Variants in ASAP2 observed in about 807,000 individuals in gnomAD.
ASAP2 encodes ArfGAP with SH3 domain, ankyrin repeat and PH domain 2.
ASAP2 carries 45 observed loss-of-function variants against 131.4 expected under a neutral mutation model. That is an observed-to-expected ratio of 0.34 (90% CI 0.27 to 0.44). The LOEUF is 0.44. ASAP2 is among the 20% of genes least tolerant of loss of function. The probability of loss-of-function intolerance (pLI) is 1.00; values close to 1 mark genes in which losing one functional copy is unlikely to be tolerated. For missense variants in ASAP2, 1,011 were observed against 1,297.0 expected, an observed-to-expected ratio of 0.78 and a Z score of 3.39; for synonymous variants, 510 against 503.0, an observed-to-expected ratio of 1.01 and a Z score of -0.19.
chr2:9,313,051 T>C (rs912840628), intron 3 of ASAP2, among the ~76,000 whole-genome samples: 3 of 152,044 alleles, frequency 2.0e-5, no homozygotes, highest in African/African-American at 7.2e-5. Context: ...AGAGTGAAAC[T>C]GTGTCTTAAA....
At chr2:9,221,113 T>TC (rs1662384263) in intron 1 of ASAP2, among the ~76,000 whole-genome samples, 3 of 152,176 alleles carry the variant, frequency 2.0e-5, no homozygotes, top group Non-Finnish European at 2.9e-5. Flanking sequence ...TGTTTTTTTT[T>TC]CCCAAGATTG....
intron 15 of ASAP2, among the ~76,000 whole-genome samples, chr2:9,368,192 A>G (rs1673629016): frequency 6.6e-6 from 1 of 152,174 alleles, no homozygotes; most frequent in Non-Finnish European, 1.5e-5. Context: ...TCTGTACTCT[A>G]TCCAGAGCGC....
intron 17 of ASAP2, 73 bp from the exon 18 acceptor site, chr2:9,376,835 G>A (rs1674436743): frequency 1.2e-5 from 16 of 1,339,612 alleles, no homozygotes; most frequent in East Asian, 6.9e-5. Context: ...AGTTGTACAC[G>A]ATTTCACCGG....
At chr2:9,369,823 T>G (rs1181532391) in intron 16 of ASAP2, among the ~76,000 whole-genome samples, 1 of 152,092 alleles carries the variant, frequency 6.6e-6, no homozygotes, top group Non-Finnish European at 1.5e-5. Context: ...GGTGGTAGTG[T>G]ATGGACCCTT....
At chr2:9,282,383 C>T (rs534288835) in intron 2 of ASAP2, among the ~76,000 whole-genome samples, 142 of 152,352 alleles carry the variant, frequency 9.3e-4, no homozygotes, top group Non-Finnish European at 1.8e-3. Context: ...GTGATACTTT[C>T]TCCTGTCATG....
At chr2:9,287,614 G>A (rs1434759476) in intron 2 of ASAP2, among the ~76,000 whole-genome samples, 1 of 152,202 alleles carries the variant, frequency 6.6e-6, no homozygotes, top group Non-Finnish European at 1.5e-5. Context: ...ATGAGGGAGA[G>A]GATAACTGGG....
intron 1 of ASAP2, among the ~76,000 whole-genome samples, chr2:9,251,507 G>T (rs546080623): frequency 6.6e-6 from 1 of 152,228 alleles, no homozygotes; most frequent in Admixed American, 6.5e-5. Flanking sequence ...CCGTCGGGTG[G>T]GTTTTGTATG....
At chr2:9,243,807 C>G (rs1448409508) in intron 1 of ASAP2, among the ~76,000 whole-genome samples, 2 of 152,096 alleles carry the variant, frequency 1.3e-5, no homozygotes, top group Admixed American at 6.5e-5. Flanking sequence ...TAAATATGGG[C>G]CTTCCAGGAC....
rs191516343 is a variant in ASAP2, at chr2:9,259,915, C to T, written c.127-19402C>T. 2.8e-3 allele frequency among the ~76,000 whole-genome samples: 426 copies of T among 152,314 alleles called. 1 individual carries two copies. Among genetic ancestry groups the T allele is most frequent in the Admixed American group, 5.0e-3 (76 of 15,300 alleles). ...GCATAGTCCTTGGGCTAAGTGGAGC[C>T]GAGTATGGAACCCAGGTCTAAAATT... On this transcript the variant is annotated intron_variant, in intron 1 of 27. Coordinates refer to ENST00000281419, the MANE Select transcript of ASAP2 (RefSeq NM_003887.3).
intron 25 of ASAP2, 98 bp downstream of exon 25, chr2:9,400,170 C>CA: frequency 7.2e-7 from 1 of 1,381,534 alleles, no homozygotes; most frequent in South Asian, 1.2e-5. Flanking sequence ...AGGGAGGGCC[C>CA]AGCTGTCTGC....
intron 7 of ASAP2, among the ~76,000 whole-genome samples, chr2:9,332,355 G>A (rs569340153): frequency 2.0e-5 from 3 of 152,242 alleles, no homozygotes; most frequent in South Asian, 2.1e-4. Flanking sequence ...TTGAAGGGGC[G>A]TCTGGGTGCC....
intron 9 of ASAP2, among the ~76,000 whole-genome samples, chr2:9,341,170 C>T (rs958655302): frequency 6.6e-6 from 1 of 152,138 alleles, no homozygotes; most frequent in Admixed American, 6.5e-5. Context: ...GCATAGTATT[C>T]TAAAAGTCAG....
At chr2:9,313,330 A>T (rs1669434426) in intron 3 of ASAP2, among the ~76,000 whole-genome samples, 1 of 152,250 alleles carries the variant, frequency 6.6e-6, no homozygotes, top group Non-Finnish European at 1.5e-5. Flanking sequence ...ATAACGAATA[A>T]TCTCAAAATA....
intron 1 of ASAP2, among the ~76,000 whole-genome samples, chr2:9,229,926 G>A (rs188364950): frequency 7.2e-5 from 11 of 152,276 alleles, no homozygotes; most frequent in Non-Finnish European, 1.2e-4. Context: ...CAGCCCTGGC[G>A]GTTGTCAGTG....
chr2:9,229,149 G>C (rs1319283732), intron 1 of ASAP2, among the ~76,000 whole-genome samples: 3 of 151,412 alleles, frequency 2.0e-5, no homozygotes, highest in African/African-American at 4.9e-5. Flanking sequence ...CAGATGTGGA[G>C]CCCCCCCCGC....
Position 9,289,028 on chromosome 2 carries a change from C to T in ASAP2, c.200-8272C>T, listed in dbSNP as rs182692457. ...AATGTACTCCTTTCCCCATAGAGTG[C>T]TGTGTTTCCACCTCGTGTAATTTAC... On this transcript the variant is annotated intron_variant, in intron 2 of 27. Coordinates refer to ENST00000281419, the MANE Select transcript of ASAP2 (RefSeq NM_003887.3). Among the ~76,000 whole-genome samples the T allele has an allele frequency of 1.5e-4, 23 of 152,336 alleles. No homozygotes were observed. In the East Asian group the frequency reaches 4.4e-3, roughly 29 times the overall value.
At chr2:9,317,604 A>C (rs1481837169) in intron 3 of ASAP2, among the ~76,000 whole-genome samples, 1 of 150,040 alleles carries the variant, frequency 6.7e-6, no homozygotes, top group Non-Finnish European at 1.5e-5. Flanking sequence ...ACATTCACGC[A>C]CTCACATCCA....
chr2:9,309,473 G>A (rs1669155760), intron 3 of ASAP2, among the ~76,000 whole-genome samples: 1 of 152,220 alleles, frequency 6.6e-6, no homozygotes, highest in Non-Finnish European at 1.5e-5. Context: ...GGGGTTGCCA[G>A]AGACTTGGGG....
At chr2:9,327,750 A>T (rs1670571527) in intron 6 of ASAP2, 76 bp from the exon 7 acceptor site, 1 of 1,049,822 alleles carries the variant, frequency 9.5e-7, no homozygotes, top group Non-Finnish European at 1.4e-6. Flanking sequence ...AGAAGAAATC[A>T]TCTCAGTCCT....
Sources: gnomAD v4.1 joint callset for allele counts (sites outside exome capture counted in the v4.1 genomes callset) on GRCh38, gnomAD v4.1.1 for gene constraint, MANE v1.5 for transcripts, NCBI Gene and HGNC (gene_info 2026-07-23, HGNC 2026-07-21) for gene names.